Variants in SEMA3A observed in about 807,000 individuals in gnomAD.
The protein encoded by SEMA3A is semaphorin-3A.
A neutral mutation model predicts 97.9 loss-of-function variants in SEMA3A; 29 were observed. The observed-to-expected ratio is 0.30, with a 90% CI of 0.22 to 0.40. SEMA3A has a LOEUF of 0.40. SEMA3A is among the 10% of genes least tolerant of loss of function. The pLI, the probability that SEMA3A is intolerant of heterozygous loss-of-function variation, is 1.00. For synonymous variants in SEMA3A, 321 were observed against 323.7 expected (o/e 0.99, Z 0.09); for missense variants, 763 against 951.3 (o/e 0.80, Z 2.60).
intron 3 of SEMA3A, among the ~76,000 whole-genome samples, chr7:84,114,798 T>C (rs1235492846): frequency 6.6e-6 from 1 of 152,122 alleles, no homozygotes; most frequent in East Asian, 1.9e-4. Flanking sequence ...CATTGTGCTA[T>C]TACAGCTGTA....
chr7:84,389,376 A>C (rs1238889533), intron 1 of SEMA3A, among the ~76,000 whole-genome samples: 1 of 152,064 alleles, frequency 6.6e-6, no homozygotes, highest in Non-Finnish European at 1.5e-5. Flanking sequence ...GTGAGTCTGA[A>C]GTATGTAATG....
chr7:84,399,819 G>A (rs990767521), intron 1 of SEMA3A, among the ~76,000 whole-genome samples: 7 of 152,140 alleles, frequency 4.6e-5, no homozygotes, highest in Admixed American at 3.3e-4. Flanking sequence ...ACAGTAATGT[G>A]CTGGTCTGGG....
At chr7:84,060,364 T>C (rs1562742948) in intron 5 of SEMA3A, 101 bp downstream of exon 5, 2 of 766,086 alleles carry the variant, frequency 2.6e-6, no homozygotes, top group Non-Finnish European at 4.3e-6. Flanking sequence ...TCTAAAACAA[T>C]TATTATTTCA....
chr7:84,001,730 G>A (rs1362902567), intron 12 of SEMA3A, among the ~76,000 whole-genome samples: 2 of 151,846 alleles, frequency 1.3e-5, no homozygotes, highest in Non-Finnish European at 2.9e-5. Flanking sequence ...TTATCATTGA[G>A]AAAACAAAAT....
chr7:84,244,328 C>T (rs926778810), intron 3 of SEMA3A, among the ~76,000 whole-genome samples: 1 of 152,134 alleles, frequency 6.6e-6, no homozygotes, highest in African/African-American at 2.4e-5. Context: ...TGCATGATCC[C>T]TTTACCACTA....
intron 1 of SEMA3A, among the ~76,000 whole-genome samples, chr7:84,432,936 G>A (rs1805022518): frequency 6.7e-6 from 1 of 149,562 alleles, no homozygotes. Context: ...TGGGTTGAAT[G>A]GTAGTTCTGC....
At chr7:84,490,088 A>G (rs1806679915) in intron 1 of SEMA3A, among the ~76,000 whole-genome samples, 1 of 150,136 alleles carries the variant, frequency 6.7e-6, no homozygotes, top group African/African-American at 2.5e-5. Context: ...TAAGGACCAC[A>G]TAATTTATTC....
intron 6 of SEMA3A, 93 bp downstream of exon 6, chr7:84,046,231 T>A (rs1792342945): frequency 7.1e-7 from 1 of 1,416,398 alleles, no homozygotes; most frequent in Admixed American, 2.1e-5. Flanking sequence ...ACAATAAATT[T>A]CAAGTCATAT....
chr7:84,432,902 G>A (rs981661288), intron 1 of SEMA3A, among the ~76,000 whole-genome samples: 1 of 149,424 alleles, frequency 6.7e-6, no homozygotes. Flanking sequence ...TTTCTTTAGG[G>A]CATATACCTA....
chr7:84,489,708 A>C (rs965030056), intron 1 of SEMA3A, among the ~76,000 whole-genome samples: 1 of 151,544 alleles, frequency 6.6e-6, no homozygotes, highest in African/African-American at 2.4e-5. Flanking sequence ...TGGCTGTTGA[A>C]AGCTCCTCTT....
intron 1 of SEMA3A, among the ~76,000 whole-genome samples, chr7:84,185,036 T>C (rs9642178): frequency 0.059 from 8,985 of 152,264 alleles, 521 homozygotes; most frequent in East Asian, 0.3. Context: ...AAATCCTTTA[T>C]TCTTGTGCTC....
intron 1 of SEMA3A, among the ~76,000 whole-genome samples, chr7:84,178,695 T>C (rs1250432398): frequency 6.6e-6 from 1 of 152,100 alleles, no homozygotes; most frequent in Admixed American, 6.6e-5. Context: ...AATTATTTAA[T>C]TATGTCCATT....
chr7:84,254,769 A>G (rs1259026637), intron 3 of SEMA3A, among the ~76,000 whole-genome samples: 1 of 152,134 alleles, frequency 6.6e-6, no homozygotes, highest in South Asian at 2.1e-4. Context: ...TTGTACACCT[A>G]ATCATTATCC....
intron 3 of SEMA3A, among the ~76,000 whole-genome samples, chr7:84,294,714 G>T (rs1800827895): frequency 6.6e-6 from 1 of 151,918 alleles, no homozygotes; most frequent in Admixed American, 6.6e-5. Context: ...AGAAAATAAA[G>T]GTTGAACTGG....
chr7:84,408,546 T>G (rs1804170357), intron 1 of SEMA3A, among the ~76,000 whole-genome samples: 1 of 152,138 alleles, frequency 6.6e-6, no homozygotes, highest in African/African-American at 2.4e-5. Flanking sequence ...TTACTGGCTA[T>G]ATACCCAAAG....
intron 1 of SEMA3A, among the ~76,000 whole-genome samples, chr7:84,449,020 A>C (rs1455978128): frequency 6.6e-6 from 1 of 152,190 alleles, no homozygotes; most frequent in Non-Finnish European, 1.5e-5. Flanking sequence ...GTATTTCAAC[A>C]AAATTGCCAA....
chr7:84,141,534 TGTGTAGCATGTGCAG>T (rs1796291391), intron 1 of SEMA3A, among the ~76,000 whole-genome samples: 1 of 152,192 alleles, frequency 6.6e-6, no homozygotes, highest in East Asian at 1.9e-4. Flanking sequence ...TCAGGCTACA[TGTGTAGCATGTGCAG>T]GTTTGTTACA....
At chr7:84,300,540 G>A (rs1275122217) in intron 3 of SEMA3A, among the ~76,000 whole-genome samples, 2 of 151,952 alleles carry the variant, frequency 1.3e-5, no homozygotes, top group Non-Finnish European at 2.9e-5. Flanking sequence ...TACACATATG[G>A]CTTAAAATGA....
intron 1 of SEMA3A, among the ~76,000 whole-genome samples, chr7:84,428,546 T>G (rs181475682): frequency 7.5e-4 from 114 of 152,174 alleles, no homozygotes; most frequent in South Asian, 4.8e-3. Context: ...TTTTAAAAAT[T>G]TCTTTGAATA....
Sources: allele counts gnomAD v4.1 joint callset (sites outside exome capture counted in the v4.1 genomes callset), GRCh38; gene constraint gnomAD v4.1.1; transcripts MANE v1.5; gene names NCBI Gene and HGNC (gene_info 2026-07-23, HGNC 2026-07-21).